The following RSU1 variants were observed in gnomAD, a reference collection of about 807,000 sequenced individuals.
RSU1 encodes the protein rsu-1.
Under a neutral mutation model 31.1 loss-of-function variants are expected in RSU1, and 26 were observed. The ratio of observed to expected loss-of-function variants is 0.84; its 90% CI spans 0.61 to 1.16. RSU1 has a LOEUF of 1.16. RSU1 is among the 50% of genes most tolerant of loss of function. The pLI is 0.00. For synonymous variants in RSU1, 164 were observed against 136.3 expected (o/e 1.20, Z -1.41); for missense variants, 320 against 339.1 (o/e 0.94, Z 0.44).
At chr10:16,612,557 G>C (rs187249109) in intron 8 of RSU1, among the ~76,000 whole-genome samples, 1 of 152,184 alleles carries the variant, frequency 6.6e-6, no homozygotes, top group African/African-American at 2.4e-5. Context: ...AGCTGTTCTC[G>C]AATCTGTTCA....
At chr10:16,777,016 A>G (rs1837547021) in intron 3 of RSU1, among the ~76,000 whole-genome samples, 1 of 152,012 alleles carries the variant, frequency 6.6e-6, no homozygotes, top group African/African-American at 2.4e-5. Flanking sequence ...TGCTGTTGGA[A>G]TAAAATTTTT....
chr10:16,674,568 T>C lies in RSU1; in HGVS notation c.731+20455A>G, dbSNP rs376995897. On this transcript the variant is annotated intron_variant, in intron 8 of 8. Coordinates refer to ENST00000345264, the MANE Select transcript of RSU1 (RefSeq NM_012425.4). ...CAGTGTACAAAACTACGTCTCCCGC[T>C]CTTGCAGGAGACTCCATTCTAAGCA... Among the ~76,000 whole-genome samples the C allele has an allele frequency of 5.9e-5, 9 of 151,978 alleles. No individual in the cohort carries two copies. The East Asian group carries it at 1.7e-3, about 29-fold the overall frequency.
chr10:16,725,149 C>A (rs12253759), intron 7 of RSU1, among the ~76,000 whole-genome samples: 3 of 152,022 alleles, frequency 2.0e-5, no homozygotes, highest in Non-Finnish European at 4.4e-5. Context: ...ATGTTATATG[C>A]GCTTTTGTGT....
At chr10:16,728,850 C>T (rs1199506381) in intron 7 of RSU1, among the ~76,000 whole-genome samples, 1 of 152,178 alleles carries the variant, frequency 6.6e-6, no homozygotes, top group Admixed American at 6.5e-5. Flanking sequence ...GGAATGCAGG[C>T]ACTCACTAGA....
chr10:16,799,211 TTA>T (rs1838099054), intron 2 of RSU1, among the ~76,000 whole-genome samples: 1 of 152,210 alleles, frequency 6.6e-6, no homozygotes, highest in Non-Finnish European at 1.5e-5. Context: ...TAATACCAGA[TTA>T]GAGATGTATC....
chr10:16,722,353 C>A (rs191127544), intron 7 of RSU1, among the ~76,000 whole-genome samples: 2 of 152,062 alleles, frequency 1.3e-5, no homozygotes, highest in Non-Finnish European at 2.9e-5. Context: ...AAGTAAGAAC[C>A]TCTGATCCAG....
intron 2 of RSU1, among the ~76,000 whole-genome samples, chr10:16,793,458 G>C (rs942037243): frequency 6.6e-6 from 1 of 152,104 alleles, no homozygotes; most frequent in Non-Finnish European, 1.5e-5. Flanking sequence ...TGGAGTCTAT[G>C]AGTCCATCAG....
chr10:16,806,000 G>A (rs1336909743), intron 2 of RSU1, among the ~76,000 whole-genome samples: 1 of 152,200 alleles, frequency 6.6e-6, no homozygotes, highest in African/African-American at 2.4e-5. Context: ...ACTAGGAGGA[G>A]CACCAGCTCC....
chr10:16,722,777 T>C (rs1836292481), intron 7 of RSU1, among the ~76,000 whole-genome samples: 1 of 151,780 alleles, frequency 6.6e-6, no homozygotes, highest in Admixed American at 6.6e-5. Context: ...TATCTGTATA[T>C]ATGTGTATGT....
chr10:16,658,279 T>A (rs893409638), intron 8 of RSU1, among the ~76,000 whole-genome samples: 2 of 152,254 alleles, frequency 1.3e-5, no homozygotes, highest in Non-Finnish European at 2.9e-5. Context: ...TTGAATTATC[T>A]AACCTTGGAA....
intron 7 of RSU1, among the ~76,000 whole-genome samples, chr10:16,729,457 T>C (rs1836459314): frequency 6.6e-6 from 1 of 152,076 alleles, no homozygotes; most frequent in African/African-American, 2.4e-5. Flanking sequence ...CCACTCAGGC[T>C]GAAAAGGGAG....
intron 2 of RSU1, among the ~76,000 whole-genome samples, chr10:16,808,126 TC>T (rs1453480282): frequency 2.6e-5 from 4 of 151,880 alleles, no homozygotes; most frequent in African/African-American, 9.7e-5. Context: ...GGTGAGCCCT[TC>T]GGGGCTAGGA....
chr10:16,759,557 T>G (rs1337814287), intron 4 of RSU1, among the ~76,000 whole-genome samples: 16 of 152,052 alleles, frequency 1.1e-4, no homozygotes, highest in Admixed American at 7.9e-4. Context: ...AACAAGGGAC[T>G]TAATAAAAAC....
At position 16,645,938 on chromosome 10, in the gene RSU1, GTA is replaced by G. The variant is rs1218784163; in HGVS notation, c.731+49083_731+49084del. ...TATATATGTGTATATACACATATGT[GTA>G]TATATATGTGTATATACATATATGT... On this transcript the variant is annotated intron_variant, in intron 8 of 8. Coordinates refer to ENST00000345264, the MANE Select transcript of RSU1 (RefSeq NM_012425.4). 2.2e-4 allele frequency among the ~76,000 whole-genome samples: 6 copies of G among 27,118 alleles called. 2 individuals carry two copies. The highest frequency in any genetic ancestry group is 3.8e-4 in the African/African-American group (2 of 5,218). The allele number at this position is 27,118 out of a possible 152,430, so 17.8% of individuals were successfully genotyped here. A position where few individuals can be genotyped will look rare whatever the true frequency, so the allele number is the denominator to read the frequency against.
chr10:16,721,486 C>T (rs1046667477), intron 7 of RSU1: 1 of 152,196 alleles, frequency 6.6e-6, no homozygotes, highest in Admixed American at 6.5e-5. Flanking sequence ...ACACTTGAGC[C>T]ATTCTGTACA....
chr10:16,618,883 G>C (rs1229319232), intron 8 of RSU1, among the ~76,000 whole-genome samples: 1 of 152,116 alleles, frequency 6.6e-6, no homozygotes, highest in South Asian at 2.1e-4. Context: ...TGCATGTGGG[G>C]CTTAAAACCT....
intron 2 of RSU1, among the ~76,000 whole-genome samples, chr10:16,804,718 G>A (rs371266155): frequency 1.3e-5 from 2 of 152,318 alleles, no homozygotes; most frequent in East Asian, 3.9e-4. Flanking sequence ...CCAATCTGTA[G>A]AGGCTATATA....
At chr10:16,722,901 T>TACACACATATACATATATGTATATAG (rs1836302760) in intron 7 of RSU1, among the ~76,000 whole-genome samples, 9 of 146,122 alleles carry the variant, frequency 6.2e-5, no homozygotes, top group Non-Finnish European at 1.1e-4. Context: ...TATGTATATA[T>TACACACATATACATATATGTATATAG]ACACACATAT....
intron 7 of RSU1, among the ~76,000 whole-genome samples, chr10:16,709,212 T>C (rs904222609): frequency 6.6e-6 from 1 of 151,932 alleles, no homozygotes; most frequent in African/African-American, 2.4e-5. Context: ...GTTCTCATTG[T>C]TCAATTCCCA....
Sources: allele counts gnomAD v4.1 joint callset (sites outside exome capture counted in the v4.1 genomes callset), GRCh38; gene constraint gnomAD v4.1.1; transcripts MANE v1.5; gene names NCBI Gene and HGNC (gene_info 2026-07-23, HGNC 2026-07-21).